Variants in ELAVL4 observed in about 807,000 individuals in gnomAD.
ELAVL4 encodes ELAV-like protein 4.
ELAVL4 carries 1 observed loss-of-function variant against 35.6 expected under a neutral mutation model. That is an observed-to-expected ratio of 0.03 (90% CI 0.01 to 0.13). The LOEUF (loss-of-function observed/expected upper bound fraction) is 0.13. Ranked by LOEUF, ELAVL4 falls within the 10% of genes least tolerant of loss-of-function variation. ELAVL4 has a pLI of 1.00. For missense variants in ELAVL4, 267 were observed against 464.9 expected (o/e 0.57, Z 3.91); for synonymous variants, 156 against 171.0 (o/e 0.91, Z 0.69).
At chr1:50,160,928 T>A (rs1364261987) in intron 2 of ELAVL4, among the ~76,000 whole-genome samples, 1 of 152,252 alleles carries the variant, frequency 6.6e-6, no homozygotes, top group Non-Finnish European at 1.5e-5. Flanking sequence ...GAAGCCATTG[T>A]CTTAGTGTTA....
chr1:50,053,678 A>G (rs1326554398), intron 1 of ELAVL4, among the ~76,000 whole-genome samples: 1 of 152,192 alleles, frequency 6.6e-6, no homozygotes, highest in Non-Finnish European at 1.5e-5. Context: ...TCTGGTATGG[A>G]CCTGGCCCAG....
intron 1 of ELAVL4, among the ~76,000 whole-genome samples, chr1:50,113,465 T>C (rs1002552442): frequency 2.0e-5 from 3 of 152,280 alleles, no homozygotes; most frequent in Non-Finnish European, 4.4e-5. Flanking sequence ...TACTTTGGCC[T>C]TGACAAATTT....
chr1:50,051,775 CAT>C, intron 1 of ELAVL4, among the ~76,000 whole-genome samples: 1 of 152,230 alleles, frequency 6.6e-6, no homozygotes, highest in East Asian at 1.9e-4. Flanking sequence ...ATGAATCATA[CAT>C]AGAGTATTAG....
In ELAVL4 at chr1:50,193,718, G is replaced by C. The variant is rs759712167; in HGVS notation, c.355-47G>C. Reference sequence around the variant, plus strand: ...TGGTTGTGGACTCAGCATCTACTCTGAGGGTGATTGCCTATAATGGAATTA... The same window carrying C: ...TGGTTGTGGACTCAGCATCTACTCTCAGGGTGATTGCCTATAATGGAATTA... On this transcript the variant is annotated intron_variant, in intron 3 of 6. Transcript: ENST00000371824. 9.4e-6 allele frequency: 15 copies of C among 1,589,478 alleles called. No homozygotes were observed. In the Middle Eastern group the frequency reaches 5.1e-4, roughly 54 times the overall value.
chr1:50,068,301 A>T (rs1557684721), intron 1 of ELAVL4, among the ~76,000 whole-genome samples: 1 of 152,190 alleles, frequency 6.6e-6, no homozygotes, highest in Non-Finnish European at 1.5e-5. Flanking sequence ...AGAGCAGTCC[A>T]CTTTGGTATG....
intron 2 of ELAVL4, among the ~76,000 whole-genome samples, chr1:50,162,062 A>G (rs562395541): frequency 6.6e-6 from 1 of 152,316 alleles, no homozygotes; most frequent in South Asian, 2.1e-4. Flanking sequence ...AAAGGCCTGT[A>G]TGGGCTTTGG....
rs1407552406 is a variant in ELAVL4 at position 50,087,896 on chromosome 1, G to C, written c.18+39714G>C. Reference sequence around the variant, plus strand: ...AACTACAAGAAAATACATTTCTTTTGTTTAAACCACCCAGTCTATGGCATT... The same window carrying C: ...AACTACAAGAAAATACATTTCTTTTCTTTAAACCACCCAGTCTATGGCATT... On this transcript the variant is annotated intron_variant, in intron 1 of 6. Coordinates refer to the ELAVL4 transcript ENST00000448907. Among the ~76,000 whole-genome samples the C allele has an allele frequency of 2.0e-5, 3 of 152,298 alleles. No individual in the cohort carries two copies. In the East Asian group the frequency reaches 5.8e-4, roughly 29 times the overall value.
chr1:50,105,193 C>A (rs188702677), upstream of ELAVL4, among the ~76,000 whole-genome samples: 1 of 152,266 alleles, frequency 6.6e-6, no homozygotes, highest in East Asian at 1.9e-4. Context: ...AAACTCTTGC[C>A]TCCATCTTGT....
intron 1 of ELAVL4, among the ~76,000 whole-genome samples, chr1:50,076,851 A>C (rs1412742042): frequency 6.6e-6 from 1 of 152,166 alleles, no homozygotes; most frequent in East Asian, 1.9e-4. Context: ...TTAAAGTACA[A>C]TCAGCAGGAC....
rs371652541 is a variant in ELAVL4 at position 50,111,132 on chromosome 1, TGTGTGTGTGTGC to T, written c.9+1948_9+1959del. On this transcript the variant is annotated intron_variant, in intron 1 of 6. Transcript: ENST00000371824. Reference sequence around the variant, plus strand: ...GCATCTGTTCTGTCTCCCCTGTTTTTGTGTGTGTGTGCGTGTGTGTGTGCGCGTGTGGTTTTT... The same window carrying T: ...GCATCTGTTCTGTCTCCCCTGTTTTTGTGTGTGTGTGCGCGTGTGGTTTTT... Among the ~76,000 whole-genome samples the T allele has an allele frequency of 1.9e-3, 291 of 152,010 alleles. 3 individuals carry two copies. Among genetic ancestry groups the T allele is most frequent in the African/African-American group, 6.7e-3 (280 of 41,506 alleles).
chr1:50,198,172 G>A (rs1644171233), intron 6 of ELAVL4, among the ~76,000 whole-genome samples: 1 of 152,164 alleles, frequency 6.6e-6, no homozygotes, highest in Non-Finnish European at 1.5e-5. Context: ...TTTTTGTGGG[G>A]TTGGGGGCCC....
chr1:50,112,767 A>G (rs1032645944), intron 1 of ELAVL4, among the ~76,000 whole-genome samples: 2 of 152,104 alleles, frequency 1.3e-5, no homozygotes, highest in Admixed American at 6.6e-5. Flanking sequence ...TTTACCTGCC[A>G]TTCATTCAAG....
chr1:50,154,880 C>G (rs1348232838), intron 2 of ELAVL4, among the ~76,000 whole-genome samples: 1 of 151,596 alleles, frequency 6.6e-6, no homozygotes, highest in Non-Finnish European at 1.5e-5. Flanking sequence ...ATGGAAAAAA[C>G]TAAAATTGAA....
At chr1:50,106,643 G>A (rs1666338077), upstream of ELAVL4, among the ~76,000 whole-genome samples, 1 of 152,090 alleles carries the variant, frequency 6.6e-6, no homozygotes, top group Non-Finnish European at 1.5e-5. Context: ...TTGTACTATT[G>A]GAAATGCGAT....
chr1:50,195,838 C>T (rs371086732), intron 5 of ELAVL4, 52 bp downstream of exon 5: 709 of 1,601,316 alleles, frequency 4.4e-4, no homozygotes, highest in Admixed American at 9.7e-4. Context: ...CATAGCTGGG[C>T]AAGAGCCAGG....
At chr1:50,118,207 AT>A (rs139069607) in intron 1 of ELAVL4, among the ~76,000 whole-genome samples, 3 of 151,778 alleles carry the variant, frequency 2.0e-5, no homozygotes, top group East Asian at 1.9e-4. Context: ...CTTCAGATCT[AT>A]TTTTTTTCCT....
chr1:50,159,123 T>C (rs956905837), intron 2 of ELAVL4, among the ~76,000 whole-genome samples: 1 of 152,098 alleles, frequency 6.6e-6, no homozygotes, highest in East Asian at 1.9e-4. Context: ...GGAACTATAG[T>C]TCAGGTTTGG....
At chr1:50,103,083 C>A (rs1420634862), upstream of ELAVL4, among the ~76,000 whole-genome samples, 1 of 152,188 alleles carries the variant, frequency 6.6e-6, no homozygotes, top group Non-Finnish European at 1.5e-5. Context: ...AGCTACTGTT[C>A]TTGCATAAGG....
At chr1:50,140,285 T>G (rs1672606106) in intron 1 of ELAVL4, among the ~76,000 whole-genome samples, 1 of 152,222 alleles carries the variant, frequency 6.6e-6, no homozygotes, top group Admixed American at 6.5e-5. Context: ...ATTGTGCTGT[T>G]AGAATATCAA....
Sources: allele counts gnomAD v4.1 joint callset (sites outside exome capture counted in the v4.1 genomes callset), GRCh38; gene constraint gnomAD v4.1.1; transcripts MANE v1.5; gene names NCBI Gene and HGNC (gene_info 2026-07-23, HGNC 2026-07-21).